Variants in FKBP9 observed in about 807,000 individuals in gnomAD.
FKBP9 encodes peptidyl-prolyl cis-trans isomerase FKBP9.
In FKBP9, 27 loss-of-function variants were observed where a neutral mutation model predicts 55.6. The observed-to-expected ratio is 0.49, with a 90% confidence interval of 0.36 to 0.67. The LOEUF is 0.67. FKBP9 is among the 30% of genes least tolerant of loss of function. FKBP9 has a pLI of 0.00. For missense variants in FKBP9, 539 were observed against 742.8 expected (o/e 0.73, Z 3.19); for synonymous variants, 267 against 296.5 (o/e 0.90, Z 1.02).
At chr7:32,970,786 C>A (rs1784236501) in intron 1 of FKBP9, among the ~76,000 whole-genome samples, 1 of 151,872 alleles carries the variant, frequency 6.6e-6, no homozygotes, top group Admixed American at 6.6e-5. Context: ...TTTTTATGGA[C>A]TCTTATAGGG....
Position 32,996,827 on chromosome 7 carries a change from G to A in FKBP9, c.1226+478G>A, listed in dbSNP as rs1426231135. ...TTTTGAGACGGAGTCTCGCTCTGTCGCCCAGGCCGGACTGCGGACTGCAGT... is the reference window on the plus strand; with the variant it reads ...TTTTGAGACGGAGTCTCGCTCTGTCACCCAGGCCGGACTGCGGACTGCAGT... On this transcript the variant is annotated intron_variant, in intron 7 of 9. Coordinates refer to ENST00000242209, the MANE Select transcript of FKBP9 (RefSeq NM_007270.5). 3.9e-5 allele frequency among the ~76,000 whole-genome samples: 4 copies of A among 102,278 alleles called. 1 individual carries two copies. Among genetic ancestry groups the A allele is most frequent in the South Asian group, 3.7e-4 (1 of 2,724 alleles). 67.1% of individuals were successfully genotyped at this position (102,278 alleles called of 152,430 possible).
rs1423139525 is a variant in FKBP9, at chr7:32,957,672, C to A, written c.99C>A (p.Asp33Glu). ...QAAPVAGLGS[D>E]AELQIERRFV... is the part of the protein sequence containing the mutation. ...CGCCCGTGGCGGGCCTGGGCTCCGA[C>A]GCGGAGCTGCAGATCGAGCGGCGCT... The change falls in exon 1 of 10, where the codon GAC becomes GAA. Residue 33 changes from aspartate (D) to glutamate (E), a missense_variant. Asp to Glu is a conservative substitution (Grantham distance 45). Around this residue, in one of 4 missense-constraint regions of FKBP9, gnomAD observed 236 missense variants for 271.5 expected, o/e 0.87. Transcript: ENST00000242209. 1.1e-5 allele frequency: 16 copies of A among 1,515,588 alleles called. No individual in the cohort carries two copies. Among genetic ancestry groups the A allele is most frequent in the Admixed American group, 2.1e-5 (1 of 47,982 alleles). The allele number at this position is 1,515,588 out of a possible 1,614,324, so 93.9% of individuals were successfully genotyped here.
At chr7:32,957,870 C>G (rs1005524407) in intron 1 of FKBP9, 76 bp downstream of exon 1, 1 of 1,121,448 alleles carries the variant, frequency 8.9e-7, no homozygotes, top group Admixed American at 4.0e-5. Flanking sequence ...TCCCTCCTGC[C>G]GGACCTCCCC....
chr7:32,983,818 G>A (rs1784528003), intron 5 of FKBP9, among the ~76,000 whole-genome samples: 1 of 152,176 alleles, frequency 6.6e-6, no homozygotes, highest in African/African-American at 2.4e-5. Flanking sequence ...TATTGGGATT[G>A]AAATTCCTTT....
chr7:32,966,073 A>G (rs1479456467), intron 1 of FKBP9, among the ~76,000 whole-genome samples: 1 of 148,120 alleles, frequency 6.8e-6, no homozygotes, highest in Non-Finnish European at 1.5e-5. Flanking sequence ...TGTGCCTGTA[A>G]TCCCAGCTTC....
At position 32,980,536 on chromosome 7, in the gene FKBP9, C is replaced by T; in HGVS notation, c.876C>T (p.Gly292=). 1.2e-6 allele frequency: 2 copies of T among 1,613,190 alleles called. No homozygotes were observed. The highest frequency in any genetic ancestry group is 2.7e-5 in the African/African-American group (2 of 74,992). ...ATTACAATGGCACGCTTCTGGATGGCACCCTCTTTGATTCCAGGTAAGGAA... is the reference window on the plus strand; with the variant it reads ...ATTACAATGGCACGCTTCTGGATGGTACCCTCTTTGATTCCAGGTAAGGAA... ...RYHYNGTLLD[G]TLFDSSYSRN... Residue 292 remains glycine (G), a synonymous_variant, in exon 5 of 10, where the codon GGC becomes GGT. Coordinates refer to ENST00000242209, the MANE Select transcript of FKBP9 (RefSeq NM_007270.5).
rs971671724 is a variant in FKBP9 at position 32,979,390 on chromosome 7, C to A, written c.704-974C>A. The A allele has an allele frequency of 8.3e-6, 6 of 721,624 alleles. No individual in the cohort carries two copies. The African/African-American group carries it at 1.1e-4, about 13-fold the overall frequency. 44.7% of individuals were successfully genotyped at this position (721,624 alleles called of 1,614,324 possible). ...ATTAATATTCTATCTCCCACGCATGCGATTTAGGGATTGACCACACCTTGC... is the reference window on the plus strand; with the variant it reads ...ATTAATATTCTATCTCCCACGCATGAGATTTAGGGATTGACCACACCTTGC... On this transcript the variant is annotated intron_variant, in intron 4 of 9. Transcript: ENST00000242209.
intron 6 of FKBP9, among the ~76,000 whole-genome samples, chr7:32,992,078 A>T (rs932077760): frequency 3.3e-5 from 5 of 152,124 alleles, no homozygotes; most frequent in African/African-American, 1.2e-4. Flanking sequence ...TCTCTGACCC[A>T]TATGTGTCCT....
intron 1 of FKBP9, among the ~76,000 whole-genome samples, chr7:32,958,492 G>T (rs1783950038): frequency 6.6e-6 from 1 of 152,174 alleles, no homozygotes; most frequent in Admixed American, 6.5e-5. Context: ...TTCCTTTCCT[G>T]CCATACAAAA....
chr7:32,963,803 T>G (rs1200901315), intron 1 of FKBP9: 15 of 1,233,542 alleles, frequency 1.2e-5, no homozygotes, highest in Non-Finnish European at 1.4e-5. Flanking sequence ...ACACATGACC[T>G]CTGGGATCCA....
rs55788075 is a variant in FKBP9, at chr7:32,977,786, C to CAT, written c.703+1301_703+1302dup. Among the ~76,000 whole-genome samples, 6 of 139,490 alleles carry CAT rather than the reference C, an allele frequency of 4.3e-5. No individual in the cohort carries two copies. In the East Asian group the frequency reaches 6.2e-4, roughly 14 times the overall value. The allele number at this position is 139,490 out of a possible 152,430, so 91.5% of individuals were successfully genotyped here. A position where few individuals can be genotyped will look rare whatever the true frequency, so the allele number is the denominator to read the frequency against. On this transcript the variant is annotated intron_variant, in intron 4 of 9. Transcript: ENST00000242209. ...CTCAGCCTTCTCTCCTTTCTATCTC[C>CAT]ATATATATATATATACTTATATATA...
At chr7:32,972,704 C>T (rs1784276920) in intron 1 of FKBP9, among the ~76,000 whole-genome samples, 1 of 152,056 alleles carries the variant, frequency 6.6e-6, no homozygotes. Context: ...TGATTTTATA[C>T]TGTGTTAACC....
At chr7:32,986,924 A>G (rs943243177) in intron 5 of FKBP9, among the ~76,000 whole-genome samples, 41 of 152,320 alleles carry the variant, frequency 2.7e-4, no homozygotes, top group Non-Finnish European at 2.4e-4. Flanking sequence ...CTTGTGGCAT[A>G]TGAAGTTTTA....
At chr7:32,963,014 T>C (rs1416516797) in intron 1 of FKBP9, among the ~76,000 whole-genome samples, 1 of 152,152 alleles carries the variant, frequency 6.6e-6, no homozygotes, top group Admixed American at 6.5e-5. Flanking sequence ...AGTGAGTGCC[T>C]TGTGAGTATT....
chr7:32,996,131 T>C (rs747559485), intron 6 of FKBP9, 32 bp from the exon 7 acceptor site: 58 of 1,604,348 alleles, frequency 3.6e-5, no homozygotes, highest in Non-Finnish European at 4.9e-5. Context: ...CCTGCAGGGG[T>C]CATTCATTAA....
Position 32,981,766 on chromosome 7 carries a change from G to A in FKBP9, c.893+1213G>A, listed in dbSNP as rs567019383. Among the ~76,000 whole-genome samples the A allele has an allele frequency of 2.0e-3, 310 of 151,722 alleles. 3 individuals carry two copies. The highest frequency in any genetic ancestry group is 4.0e-3 in the Non-Finnish European group (272 of 67,896). ...GTAAATTAGCCAGGCGTGCACTGGC[G>A]GGTGCCTGTAATCCCAGCTACTCAG... On this transcript the variant is annotated intron_variant, in intron 5 of 9. Coordinates refer to ENST00000242209, the MANE Select transcript of FKBP9 (RefSeq NM_007270.5).
intron 6 of FKBP9, among the ~76,000 whole-genome samples, chr7:32,995,825 G>C (rs899033584): frequency 6.6e-6 from 1 of 152,112 alleles, no homozygotes; most frequent in African/African-American, 2.4e-5. Context: ...CTGGGTTTGA[G>C]TTTCCTCATC....
chr7:32,992,213 C>T (rs1034472823), intron 6 of FKBP9, among the ~76,000 whole-genome samples: 1 of 152,058 alleles, frequency 6.6e-6, no homozygotes, highest in Non-Finnish European at 1.5e-5. Context: ...AGAGGAAACC[C>T]ACCTTCCTCA....
At chr7:32,969,681 C>T (rs1164400619) in intron 1 of FKBP9, among the ~76,000 whole-genome samples, 3 of 152,086 alleles carry the variant, frequency 2.0e-5, no homozygotes, top group African/African-American at 7.2e-5. Flanking sequence ...TCTTCTTTCT[C>T]AGGATTGTTT....
Sources: gnomAD v4.1 joint callset for allele counts (sites outside exome capture counted in the v4.1 genomes callset) on GRCh38, gnomAD v4.1.1 for gene constraint, gnomAD v4.1.1 regional missense constraint, MANE v1.5 for transcripts, NCBI Gene and HGNC (gene_info 2026-07-23, HGNC 2026-07-21) for gene names.